Variants in KCNH1 observed in about 807,000 individuals in gnomAD.
KCNH1 encodes the protein potassium voltage-gated channel subfamily H member 1.
In KCNH1, 27 loss-of-function variants were observed where a neutral mutation model predicts 69.2. The ratio of observed to expected loss-of-function variants is 0.39; its 90% CI spans 0.29 to 0.54. The LOEUF (loss-of-function observed/expected upper bound fraction) is 0.54. KCNH1 is among the 20% of genes least tolerant of loss of function. The pLI, the probability that KCNH1 is intolerant of heterozygous loss-of-function variation, is 0.68. For missense variants in KCNH1, 798 were observed against 1,261.6 expected, an observed-to-expected ratio of 0.63 and a Z score of 5.57; for synonymous variants, 456 against 487.7, an observed-to-expected ratio of 0.93 and a Z score of 0.86.
chr1:211,064,230 A>G (rs564710806), intron 5 of KCNH1, among the ~76,000 whole-genome samples: 41 of 152,308 alleles, frequency 2.7e-4, no homozygotes, highest in Non-Finnish European at 3.8e-4. Flanking sequence ...TGCTCTTAGG[A>G]AAATATACCT....
intron 5 of KCNH1, among the ~76,000 whole-genome samples, chr1:211,065,962 G>A (rs1047393939): frequency 1.3e-5 from 2 of 152,080 alleles, no homozygotes; most frequent in Admixed American, 6.6e-5. Flanking sequence ...GGGAGGCTGA[G>A]GTGAGAGGAT....
intron 7 of KCNH1, among the ~76,000 whole-genome samples, chr1:210,876,017 T>C (rs1400285989): frequency 6.6e-6 from 1 of 152,118 alleles, no homozygotes; most frequent in Non-Finnish European, 1.5e-5. Context: ...AAATAAATCA[T>C]TAACTATAAA....
chr1:211,042,116 T>C (rs568004912), intron 5 of KCNH1, among the ~76,000 whole-genome samples: 1 of 152,304 alleles, frequency 6.6e-6, no homozygotes, highest in South Asian at 2.1e-4. Context: ...AATGCTCCTC[T>C]CCTACTTTCC....
chr1:210,860,395 G>A lies in KCNH1; in HGVS notation c.1463-56229C>T, dbSNP rs775747500. On this transcript the variant is annotated intron_variant, in intron 7 of 10. Transcript: ENST00000271751. ...TAAGCAGATTCCCTCAAGCTGTTGG[G>A]TTATCTCTTTATGATCTTCAACTAC... 24 of 1,347,406 alleles carry A rather than the reference G, an allele frequency of 1.8e-5. No homozygotes were observed. The Admixed American group carries it at 3.9e-4, about 22-fold the overall frequency. 83.5% of individuals were successfully genotyped at this position (1,347,406 alleles called of 1,614,324 possible). A position where few individuals can be genotyped will look rare whatever the true frequency, so the allele number is the denominator to read the frequency against.
intron 10 of KCNH1, among the ~76,000 whole-genome samples, chr1:210,700,984 C>CT (rs1681759437): frequency 6.6e-6 from 1 of 152,108 alleles, no homozygotes; most frequent in Admixed American, 6.5e-5. Context: ...GTCGCCCAGG[C>CT]TGGAGTGCAG....
At chr1:210,777,894 G>A (rs1253937231) in intron 9 of KCNH1, among the ~76,000 whole-genome samples, 2 of 152,246 alleles carry the variant, frequency 1.3e-5, no homozygotes, top group Non-Finnish European at 2.9e-5. Context: ...AGTGGAAGAA[G>A]CGATGTTCTG....
chr1:211,104,380 C>CA (rs138585722), intron 2 of KCNH1, among the ~76,000 whole-genome samples: 14,739 of 147,626 alleles, frequency 0.1, 990 homozygotes, highest in Non-Finnish European at 0.14. Context: ...TAGTTCTCAG[C>CA]AAAAAAAAAA....
intron 1 of KCNH1, among the ~76,000 whole-genome samples, chr1:211,117,081 G>A (rs997126522): frequency 5.3e-5 from 8 of 152,134 alleles, no homozygotes; most frequent in Non-Finnish European, 1.2e-4. Flanking sequence ...GAATCACACT[G>A]GTGAGACCCT....
chr1:211,040,941 C>T (rs1259661299), intron 5 of KCNH1, among the ~76,000 whole-genome samples: 1 of 152,156 alleles, frequency 6.6e-6, no homozygotes, highest in Admixed American at 6.5e-5. Flanking sequence ...GCCTCATCTT[C>T]CCACCTCCTC....
chr1:211,115,673 T>G (rs1452082835), intron 1 of KCNH1, among the ~76,000 whole-genome samples: 1 of 140,820 alleles, frequency 7.1e-6, no homozygotes, highest in Non-Finnish European at 1.6e-5. Flanking sequence ...TCCTTGTGAT[T>G]GTGTAAGTTA....
intron 10 of KCNH1, among the ~76,000 whole-genome samples, chr1:210,734,915 A>G (rs764873534): frequency 4.6e-5 from 7 of 152,154 alleles, no homozygotes; most frequent in Non-Finnish European, 1.0e-4. Flanking sequence ...CTAGTTAAGA[A>G]AGTGACCAAA....
In KCNH1 at chr1:210,986,801, T is replaced by C. The variant is rs546821752; in HGVS notation, c.1032+31982A>G. Among the ~76,000 whole-genome samples the C allele has an allele frequency of 2.0e-5, 3 of 152,324 alleles. No individual in the cohort carries two copies. In the East Asian group the frequency reaches 5.8e-4, roughly 29 times the overall value. On this transcript the variant is annotated intron_variant, in intron 6 of 10. Transcript: ENST00000271751. ...CTCGAGGAGTATCTTTGCGGTGTTC[T>C]CTGTATTTCCTGAATTTGAATGTTG...
At chr1:210,909,191 T>A (rs531935041) in intron 7 of KCNH1, among the ~76,000 whole-genome samples, 1 of 152,248 alleles carries the variant, frequency 6.6e-6, no homozygotes, top group East Asian at 1.9e-4. Flanking sequence ...TTCTGCAGTA[T>A]CCTCATTGGA....
intron 9 of KCNH1, among the ~76,000 whole-genome samples, chr1:210,795,962 A>AACACACACACACACACACACACAC (rs369505764): frequency 1.5e-5 from 2 of 135,984 alleles, no homozygotes; most frequent in African/African-American, 2.8e-5. Context: ...CTCTACTAAA[A>AACACACACACACACACACACACAC]ACACACACAC....
chr1:211,040,757 C>T (rs1689981524), intron 5 of KCNH1, among the ~76,000 whole-genome samples: 1 of 152,196 alleles, frequency 6.6e-6, no homozygotes, highest in African/African-American at 2.4e-5. Context: ...TCACTCTTAA[C>T]TCATGTTTTT....
At chr1:210,809,636 C>T (rs1684657598) in intron 7 of KCNH1, among the ~76,000 whole-genome samples, 1 of 152,072 alleles carries the variant, frequency 6.6e-6, no homozygotes, top group Non-Finnish European at 1.5e-5. Context: ...ACATGAAAAC[C>T]CTCACTGTGC....
At chr1:210,720,085 G>C (rs1682416175) in intron 10 of KCNH1, among the ~76,000 whole-genome samples, 1 of 152,170 alleles carries the variant, frequency 6.6e-6, no homozygotes, top group African/African-American at 2.4e-5. Context: ...AAGCAGATGG[G>C]ACATTCTATG....
chr1:210,993,898 A>G (rs1396752714), intron 6 of KCNH1, among the ~76,000 whole-genome samples: 1 of 152,150 alleles, frequency 6.6e-6, no homozygotes, highest in Non-Finnish European at 1.5e-5. Context: ...CTCTGACTTC[A>G]TCAGTAGTCA....
At chr1:210,906,490 A>G (rs1222445630) in intron 7 of KCNH1, among the ~76,000 whole-genome samples, 1 of 152,166 alleles carries the variant, frequency 6.6e-6, no homozygotes, top group Non-Finnish European at 1.5e-5. Flanking sequence ...AGAAGTGCTT[A>G]TTGTCATTCC....
Sources: allele counts gnomAD v4.1 joint callset (sites outside exome capture counted in the v4.1 genomes callset), GRCh38; gene constraint gnomAD v4.1.1; transcripts MANE v1.5; gene names NCBI Gene and HGNC (gene_info 2026-07-23, HGNC 2026-07-21).